The following ZNF469 variants were observed in gnomAD, a reference collection of about 807,000 sequenced individuals.
The protein encoded by ZNF469 is zinc finger protein 469.
ZNF469 carries 1 observed loss-of-function variant against 1.0 expected under a neutral mutation model. The ratio of observed to expected loss-of-function variants is 1.00; its 90% CI spans 0.35 to 4.73. The LOEUF (loss-of-function observed/expected upper bound fraction) is 4.73. ZNF469 is among the 30% of genes most tolerant of loss of function. The pLI, the probability that ZNF469 is intolerant of heterozygous loss-of-function variation, is 0.16. For missense variants in ZNF469, 6,100 were observed against 5,356.3 expected, an observed-to-expected ratio of 1.14 and a Z score of -4.33; for synonymous variants, 2,703 against 2,363.4, an observed-to-expected ratio of 1.14 and a Z score of -4.17.
the ZNF469 span, among the ~76,000 whole-genome samples, chr16:88,142,781 G>A: frequency 2.0e-5 from 3 of 152,214 alleles, no homozygotes; most frequent in East Asian, 3.8e-4. Context: ...GATCCCACCC[G>A]AGGGTCCCTG....
chr16:88,137,263 C>A, the ZNF469 span, among the ~76,000 whole-genome samples: 13 of 152,144 alleles, frequency 8.5e-5, no homozygotes, highest in Non-Finnish European at 1.8e-4. Context: ...ATGTGTAAAA[C>A]CATGTGTGTG....
upstream of ZNF469, among the ~76,000 whole-genome samples, chr16:88,382,069 C>G: frequency 6.6e-6 from 1 of 152,256 alleles, no homozygotes; most frequent in African/African-American, 2.4e-5. Context: ...CACTGCCACC[C>G]TATTTCTTAG....
intron 1 of ZNF469, among the ~76,000 whole-genome samples, chr16:88,408,555 C>T (rs77401291): frequency 0.025 from 3,833 of 151,204 alleles, 170 homozygotes; most frequent in African/African-American, 0.089. Context: ...ACCGTAGAAC[C>T]CTCACCAGAA....
chr16:88,228,187 T>C, the ZNF469 span, among the ~76,000 whole-genome samples: 14 of 152,252 alleles, frequency 9.2e-5, no homozygotes, highest in Non-Finnish European at 1.9e-4. Flanking sequence ...TGGAGGACAC[T>C]GTTTGGCTCA....
the ZNF469 span, among the ~76,000 whole-genome samples, chr16:88,316,826 C>T: frequency 1.3e-5 from 2 of 151,032 alleles, no homozygotes; most frequent in Non-Finnish European, 2.9e-5. Context: ...GGATTACAGG[C>T]GTGAGCCACT....
chr16:88,184,253 C>T, the ZNF469 span, among the ~76,000 whole-genome samples: 82 of 152,198 alleles, frequency 5.4e-4, no homozygotes, highest in African/African-American at 1.8e-3. Context: ...TCCGGGGTCA[C>T]GGCAGCTTGG....
At chr16:88,311,343 G>A in the ZNF469 span, among the ~76,000 whole-genome samples, 1 of 152,152 alleles carries the variant, frequency 6.6e-6, no homozygotes, top group Non-Finnish European at 1.5e-5. Flanking sequence ...CCTGGAGCTC[G>A]ACAGGCTTTT....
chr16:88,170,475 ACT>A, the ZNF469 span, among the ~76,000 whole-genome samples: 14 of 152,048 alleles, frequency 9.2e-5, no homozygotes, highest in African/African-American at 2.7e-4. This position sits in a 1 kb window ranked among gnomAD's most constrained non-coding sequence, Gnocchi z 4.2. Flanking sequence ...CCACGGCTCT[ACT>A]CTCTGCTTCA....
chr16:88,400,490 T>A (rs903243298), intron 1 of ZNF469, among the ~76,000 whole-genome samples: 3 of 152,130 alleles, frequency 2.0e-5, no homozygotes, highest in African/African-American at 7.2e-5. Flanking sequence ...CTGCTGTGGG[T>A]CTTGGAAGCA....
chr16:88,403,843 C>T (rs1435516154), intron 1 of ZNF469, among the ~76,000 whole-genome samples: 4 of 152,198 alleles, frequency 2.6e-5, no homozygotes, highest in Non-Finnish European at 2.9e-5. Flanking sequence ...GTGCCCCCTC[C>T]CCTCAGTCCC....
the ZNF469 span, among the ~76,000 whole-genome samples, chr16:88,284,020 C>T: frequency 1.0e-5 from 1 of 98,750 alleles, no homozygotes; most frequent in Non-Finnish European, 1.9e-5. Context: ...CTGGTAGACC[C>T]CCAGTGTGTC....
At chr16:88,166,931 T>C in the ZNF469 span, among the ~76,000 whole-genome samples, 1 of 152,142 alleles carries the variant, frequency 6.6e-6, no homozygotes, top group Non-Finnish European at 1.5e-5. The surrounding 1 kb of genome is among the most constrained non-coding windows in gnomAD (Gnocchi z 4.5). Flanking sequence ...AGTTTTCTCT[T>C]GCAACTGTAG....
At chr16:88,107,601 G>A in the ZNF469 span, among the ~76,000 whole-genome samples, 4 of 152,246 alleles carry the variant, frequency 2.6e-5, no homozygotes, top group Non-Finnish European at 5.9e-5. Context: ...GCCTGTGGCT[G>A]AGGGTCACGA....
rs908171413 is a variant in ZNF469, at chr16:88,424,255, A to G, written c.-191-552A>G. On this transcript the variant is annotated intron_variant, in intron 1 of 2. Coordinates refer to ENST00000565624, the MANE Select transcript of ZNF469 (RefSeq NM_001367624.2). This position sits in a 1 kb window ranked among gnomAD's most constrained non-coding sequence, Gnocchi z 4.3. ...CACGGAATGTTGTGGGATTATCTAC[A>G]GGATATGTTGTTACATGAAAAAAAG... Among the ~76,000 whole-genome samples the G allele has an allele frequency of 1.3e-5, 2 of 152,208 alleles. No homozygotes were observed. Among genetic ancestry groups the G allele is most frequent in the Non-Finnish European group, 2.9e-5 (2 of 68,040 alleles).
chr16:88,412,708 G>A (rs576204211), intron 1 of ZNF469, among the ~76,000 whole-genome samples: 11 of 152,186 alleles, frequency 7.2e-5, no homozygotes, highest in Middle Eastern at 3.2e-3. Context: ...GTGGGTGAAC[G>A]GGGGACCTCG....
intron 1 of ZNF469, among the ~76,000 whole-genome samples, chr16:88,392,018 A>G (rs1904504616): frequency 6.6e-6 from 1 of 152,266 alleles, no homozygotes; most frequent in East Asian, 1.9e-4. Context: ...ATTATATCAC[A>G]TAACATCATA....
the ZNF469 span, among the ~76,000 whole-genome samples, chr16:88,170,955 G>A: frequency 2.6e-5 from 4 of 152,160 alleles, no homozygotes; most frequent in African/African-American, 9.7e-5. This position sits in a 1 kb window ranked among gnomAD's most constrained non-coding sequence, Gnocchi z 4.2. Context: ...TGCCACGAAG[G>A]CCAGGGTCCA....
chr16:88,435,573 G>A lies in ZNF469; in HGVS notation c.8103G>A (p.Gly2701=). The stretch of plus-strand genomic sequence containing the variant: ...CTCGCTTGGCCACTCTGGGACCTGG[G>A]GTGATGGAGGGTGCAGCGGAGACTG... ...QPPRLATLGP[G]VMEGAAETDQ... Residue 2701 remains glycine, a synonymous_variant, in exon 3 of 3, where the codon GGG becomes GGA. Transcript: ENST00000565624. 6.5e-7 allele frequency: 1 copy of A among 1,550,024 alleles called. No homozygotes were observed.
the ZNF469 span, among the ~76,000 whole-genome samples, chr16:88,324,086 C>T: frequency 4.6e-3 from 704 of 152,308 alleles, 6 homozygotes; most frequent in African/African-American, 0.016. Flanking sequence ...TGAGATCCGC[C>T]GCAAAAATGG....
Sources: gnomAD v4.1 joint callset for allele counts (sites outside exome capture counted in the v4.1 genomes callset) on GRCh38, gnomAD v4.1.1 for gene constraint, Gnocchi (gnomAD v3.1) non-coding constraint, MANE v1.5 for transcripts, NCBI Gene and HGNC (gene_info 2026-07-23, HGNC 2026-07-21) for gene names.